Variants in IFT122 observed in about 807,000 individuals in gnomAD.
The protein encoded by IFT122 is intraflagellar transport protein 122 homolog.
Under a neutral mutation model 161.6 loss-of-function variants are expected in IFT122, and 118 were observed. The observed-to-expected ratio is 0.73, with a 90% CI of 0.63 to 0.85. IFT122 has a LOEUF of 0.85. Ranked by LOEUF, IFT122 falls within the 40% of genes least tolerant of loss-of-function variation. The pLI is 0.00. For missense variants in IFT122, 1,381 were observed against 1,579.6 expected (o/e 0.87, Z 2.13); for synonymous variants, 550 against 602.4 (o/e 0.91, Z 1.27).
Position 129,504,808 on chromosome 3 carries a change from AT to A in IFT122, c.2650+390del, listed in dbSNP as rs1168171198. Among the ~76,000 whole-genome samples the A allele has an allele frequency of 4.6e-5, 7 of 152,196 alleles. 1 individual carries two copies. The highest frequency in any genetic ancestry group is 1.7e-4 in the African/African-American group (7 of 41,482). On this transcript the variant is annotated intron_variant, in intron 21 of 29. Transcript: ENST00000348417. Reference sequence around the variant, plus strand: ...AACTGAAGGGTAAAGAGGTGAAGAAATTTGCCTGAAGTTTCATAGCTAGGAA... The same window carrying A: ...AACTGAAGGGTAAAGAGGTGAAGAAATTGCCTGAAGTTTCATAGCTAGGAA...
intron 18 of IFT122, among the ~76,000 whole-genome samples, chr3:129,498,488 C>G (rs1285497008): frequency 6.6e-6 from 1 of 152,216 alleles, no homozygotes; most frequent in African/African-American, 2.4e-5. Flanking sequence ...AAGCCCCTTC[C>G]CTTTGTCAGC....
In IFT122 at chr3:129,507,644, C is replaced by T. The variant is rs774582237; in HGVS notation, c.2792-24C>T. The T allele has an allele frequency of 1.0e-5, 16 of 1,600,726 alleles. No individual in the cohort carries two copies. In the East Asian group the frequency reaches 3.6e-4, roughly 36 times the overall value. On this transcript the variant is annotated intron_variant, in intron 22 of 29. Coordinates refer to ENST00000348417, the MANE Select transcript of IFT122 (RefSeq NM_052989.3). ...CACAGACACTGTTTGACACGTTTCC[C>T]CTCCCACCCGCTGCACACAGCAGAT...
At chr3:129,476,265 T>A (rs1262594862) in intron 9 of IFT122, 50 bp from the exon 10 acceptor site, 1 of 1,601,958 alleles carries the variant, frequency 6.2e-7, no homozygotes, top group Middle Eastern at 1.7e-4. Flanking sequence ...ATTGCAATGG[T>A]TATGGATTCG....
chr3:129,460,943 C>A, intron 4 of IFT122: 1 of 1,613,032 alleles, frequency 6.2e-7, no homozygotes, highest in African/African-American at 1.3e-5. Context: ...GATAAAGCAC[C>A]TAAAGGCCAA....
intron 12 of IFT122, 100 bp downstream of exon 12, chr3:129,478,318 A>G (rs2078207534): frequency 2.1e-6 from 2 of 963,258 alleles, no homozygotes; most frequent in Non-Finnish European, 3.3e-6. Context: ...GGTCACTAGA[A>G]AACAAGTCTG....
At chr3:129,462,402 C>T (rs1002452094) in intron 5 of IFT122, among the ~76,000 whole-genome samples, 3 of 152,124 alleles carry the variant, frequency 2.0e-5, no homozygotes, top group Non-Finnish European at 4.4e-5. Context: ...TATGACAGCC[C>T]CTGAGGTGTC....
chr3:129,513,995 T>G, intron 24 of IFT122: 1 of 360,104 alleles, frequency 2.8e-6, no homozygotes, highest in Non-Finnish European at 5.5e-6. Flanking sequence ...CCCCAGGGAG[T>G]CTGGACCAGG....
intron 1 of IFT122, among the ~76,000 whole-genome samples, chr3:129,442,798 T>C (rs747149221): frequency 6.6e-6 from 1 of 152,218 alleles, no homozygotes; most frequent in Non-Finnish European, 1.5e-5. Flanking sequence ...TGTCAAGTCG[T>C]GCATTTTGCT....
At chr3:129,515,355 G>A (rs879166688) in intron 25 of IFT122, 133 bp from the exon 26 acceptor site, 46 of 746,836 alleles carry the variant, frequency 6.2e-5, no homozygotes, top group South Asian at 3.8e-4. Flanking sequence ...TGGGCCCGGC[G>A]CCCCTTCCCT....
At chr3:129,517,268 GCACACACACA>G (rs777108020) in intron 26 of IFT122, among the ~76,000 whole-genome samples, 191 bp from the exon 27 acceptor site, 13 of 117,118 alleles carry the variant, frequency 1.1e-4, no homozygotes, top group Non-Finnish European at 2.0e-4. Context: ...CATTGCTCCT[GCACACACACA>G]CACACACACA....
intron 23 of IFT122, 84 bp downstream of exon 23, chr3:129,507,846 A>T: frequency 9.8e-7 from 1 of 1,023,490 alleles, no homozygotes; most frequent in Non-Finnish European, 1.5e-6. Flanking sequence ...AGCAGACTGG[A>T]TGGAATGTAA....
chr3:129,446,125 C>G lies in IFT122; in HGVS notation c.42-3746C>G, dbSNP rs563658329. Among the ~76,000 whole-genome samples the G allele has an allele frequency of 4.7e-4, 71 of 152,282 alleles. 1 individual carries two copies. Among genetic ancestry groups the G allele is most frequent in the African/African-American group, 1.6e-3 (68 of 41,554 alleles). On this transcript the variant is annotated intron_variant, in intron 1 of 29. Coordinates refer to ENST00000348417, the MANE Select transcript of IFT122 (RefSeq NM_052989.3). ...AGAAACATTTTACAAACTCTCCTCT[C>G]TAAAGCCTAGTACCTCAAGGCTTCC...
intron 6 of IFT122, 28 bp from the exon 7 acceptor site, chr3:129,464,607 C>T: frequency 1.2e-6 from 2 of 1,614,136 alleles, no homozygotes; most frequent in Admixed American, 1.7e-5. Flanking sequence ...TCCCCTATCC[C>T]CATGCCTTTT....
intron 23 of IFT122, among the ~76,000 whole-genome samples, 175 bp downstream of exon 23, chr3:129,507,937 G>C (rs559862199): frequency 1.3e-5 from 2 of 152,350 alleles, no homozygotes; most frequent in South Asian, 4.1e-4. Flanking sequence ...TTGACTGTTT[G>C]TCTGCCATGC....
chr3:129,463,447 A>T (rs555257593), intron 5 of IFT122, 113 bp from the exon 6 acceptor site: 29 of 831,418 alleles, frequency 3.5e-5, no homozygotes, highest in Non-Finnish European at 5.6e-5. Context: ...TTCATTCAGC[A>T]TAAAATCCTG....
chr3:129,504,193 C>A, intron 20 of IFT122, 126 bp from the exon 21 acceptor site: 1 of 771,648 alleles, frequency 1.3e-6, no homozygotes, highest in Non-Finnish European at 2.2e-6. Context: ...TTGGGGGAGG[C>A]ACTCTCCCCC....
At chr3:129,463,254 G>GTGGTCGT in intron 5 of IFT122, 2 of 330,974 alleles carry the variant, frequency 6.0e-6, no homozygotes, top group Non-Finnish European at 1.2e-5. Flanking sequence ...ATTGCCATCA[G>GTGGTCGT]CGTGACACAG....
chr3:129,508,366 G>T (rs1013399068), intron 23 of IFT122, among the ~76,000 whole-genome samples: 1 of 152,300 alleles, frequency 6.6e-6, no homozygotes. Flanking sequence ...TCACCCAACA[G>T]ATGTTGAGCA....
chr3:129,458,780 T>C, intron 4 of IFT122, 103 bp downstream of exon 4: 1 of 851,184 alleles, frequency 1.2e-6, no homozygotes, highest in South Asian at 1.4e-5. Context: ...TTCTCTTAAA[T>C]TGAACTTGAA....
Sources: allele counts gnomAD v4.1 joint callset (sites outside exome capture counted in the v4.1 genomes callset), GRCh38; gene constraint gnomAD v4.1.1; transcripts MANE v1.5; gene names NCBI Gene and HGNC (gene_info 2026-07-23, HGNC 2026-07-21).